SPRED1: variants seen among roughly 807,000 people sequenced by gnomAD.
SPRED1 encodes the protein sprouty-related, EVH1 domain-containing protein 1.
A neutral mutation model predicts 52.3 loss-of-function variants in SPRED1; 18 were observed. The observed-to-expected ratio is 0.34, with a 90% confidence interval of 0.24 to 0.51. The LOEUF (loss-of-function observed/expected upper bound fraction) is 0.51, where lower values mean the gene tolerates loss of function less well. Ranked by LOEUF, SPRED1 falls within the 20% of genes least tolerant of loss-of-function variation. SPRED1 has a pLI of 0.97. For missense variants in SPRED1, 485 were observed against 551.0 expected (o/e 0.88, Z 1.20); for synonymous variants, 155 against 179.7 (o/e 0.86, Z 1.10).
At chr15:38,260,760 G>T (rs1480339810) in intron 1 of SPRED1, among the ~76,000 whole-genome samples, 1 of 152,098 alleles carries the variant, frequency 6.6e-6, no homozygotes, top group Non-Finnish European at 1.5e-5. Context: ...TGAGAAAGGG[G>T]TCATAAGCTT....
chr15:38,331,278 AT>A (rs1231192906), intron 4 of SPRED1, among the ~76,000 whole-genome samples: 6 of 151,888 alleles, frequency 4.0e-5, no homozygotes, highest in South Asian at 2.1e-4. Context: ...TATAGATGTA[AT>A]TTTTTTTAAG....
intron 2 of SPRED1, among the ~76,000 whole-genome samples, chr15:38,304,082 C>A (rs183881440): frequency 3.9e-5 from 6 of 152,226 alleles, no homozygotes; most frequent in Non-Finnish European, 7.4e-5. Context: ...TTTCCAGTTA[C>A]TGTAGCCTAA....
intron 5 of SPRED1, among the ~76,000 whole-genome samples, chr15:38,348,771 T>C (rs1896193896): frequency 6.6e-6 from 1 of 152,090 alleles, no homozygotes; most frequent in South Asian, 2.1e-4. Context: ...TATTAGAATT[T>C]TTCACCATAA....
At chr15:38,272,271 G>A (rs568458799) in intron 1 of SPRED1, among the ~76,000 whole-genome samples, 1 of 28,428 alleles carries the variant, frequency 3.5e-5, no homozygotes, top group East Asian at 9.5e-4. Context: ...GGGGTCGAAT[G>A]CTAGGTTTTT....
intron 1 of SPRED1, among the ~76,000 whole-genome samples, chr15:38,262,520 CAGAA>C (rs1894226994): frequency 6.6e-6 from 1 of 151,968 alleles, no homozygotes; most frequent in Non-Finnish European, 1.5e-5. Context: ...AAGACAAGCA[CAGAA>C]AGAAGAAAAA....
intron 1 of SPRED1, among the ~76,000 whole-genome samples, chr15:38,253,843 T>C (rs559218986): frequency 1.5e-4 from 23 of 152,222 alleles, no homozygotes; most frequent in Non-Finnish European, 2.1e-4. Context: ...TTTGTGAATA[T>C]TGGACGTGTC....
chr15:38,263,521 G>A (rs541775472), intron 1 of SPRED1, among the ~76,000 whole-genome samples: 2 of 152,324 alleles, frequency 1.3e-5, no homozygotes, highest in South Asian at 4.1e-4. Context: ...CCAAAAGACG[G>A]AAGTGGCTTA....
chr15:38,321,839 C>G lies in SPRED1; in HGVS notation c.208-402C>G, dbSNP rs565988957. ...CAAACTCCTGATTTCAAGTGATCCG[C>G]CCGCCTCGGCCTCCCAAAGTGCTGG... On this transcript the variant is annotated intron_variant, in intron 2 of 6. Coordinates refer to ENST00000299084, the MANE Select transcript of SPRED1 (RefSeq NM_152594.3). Among the ~76,000 whole-genome samples, 789 of 152,234 alleles carry G rather than the reference C, an allele frequency of 5.2e-3. 1 individual carries two copies. Among genetic ancestry groups the G allele is most frequent in the Admixed American group, 7.5e-3 (114 of 15,286 alleles).
chr15:38,304,724 T>C (rs1895215407), intron 2 of SPRED1, among the ~76,000 whole-genome samples: 1 of 152,314 alleles, frequency 6.6e-6, no homozygotes, highest in Middle Eastern at 3.4e-3. Context: ...CTGGATCTCG[T>C]TGTTACCCAG....
At chr15:38,330,292 C>T (rs1414137939) in intron 4 of SPRED1, among the ~76,000 whole-genome samples, 3 of 152,116 alleles carry the variant, frequency 2.0e-5, no homozygotes, top group East Asian at 1.9e-4. Context: ...TATATTATTT[C>T]ATCACAGATC....
intron 4 of SPRED1, among the ~76,000 whole-genome samples, chr15:38,336,572 C>T (rs746394371): frequency 6.6e-6 from 1 of 151,178 alleles, no homozygotes; most frequent in Non-Finnish European, 1.5e-5. Flanking sequence ...TATATATACA[C>T]ACACACACAC....
At chr15:38,273,822 C>T (rs935842679) in intron 1 of SPRED1, among the ~76,000 whole-genome samples, 20 of 152,158 alleles carry the variant, frequency 1.3e-4, no homozygotes, top group African/African-American at 4.3e-4. Context: ...GTGAAGAACA[C>T]GGTGGTGGTT....
chr15:38,287,242 A>G (rs541471543), intron 1 of SPRED1, among the ~76,000 whole-genome samples: 1 of 152,244 alleles, frequency 6.6e-6, no homozygotes, highest in African/African-American at 2.4e-5. Flanking sequence ...TCTTCTGTCT[A>G]TGTAGTTTTC....
chr15:38,293,099 C>CTTTTTTTTTTTTATTTT (rs1894958427), intron 1 of SPRED1, among the ~76,000 whole-genome samples: 1 of 90,724 alleles, frequency 1.1e-5, no homozygotes, highest in Non-Finnish European at 2.0e-5. Context: ...AAGATTACAA[C>CTTTTTTTTTTTTATTTT]TTTTTTTTTT....
chr15:38,260,504 G>A (rs1313042265), intron 1 of SPRED1, among the ~76,000 whole-genome samples: 4 of 150,952 alleles, frequency 2.6e-5, no homozygotes, highest in Admixed American at 2.6e-4. Context: ...AGAAACTACG[G>A]ATTTTTTTTT....
At chr15:38,338,207 A>T (rs1895960315) in intron 4 of SPRED1, among the ~76,000 whole-genome samples, 1 of 150,924 alleles carries the variant, frequency 6.6e-6, no homozygotes, top group East Asian at 1.9e-4. Flanking sequence ...ACAAGACTCC[A>T]TTTCAAAAGA....
At chr15:38,350,989 C>A in intron 6 of SPRED1, 25 bp from the exon 7 acceptor site, 1 of 1,605,050 alleles carries the variant, frequency 6.2e-7, no homozygotes, top group South Asian at 1.1e-5. Flanking sequence ...GCCCTCATTG[C>A]AGTTTTTATC....
At chr15:38,262,895 TGA>T (rs532373327) in intron 1 of SPRED1, among the ~76,000 whole-genome samples, 120 of 152,338 alleles carry the variant, frequency 7.9e-4, no homozygotes, top group African/African-American at 2.8e-3. Flanking sequence ...GGATACTTAA[TGA>T]GAGACACCAG....
At chr15:38,333,763 C>T (rs1895853422) in intron 4 of SPRED1, among the ~76,000 whole-genome samples, 2 of 151,966 alleles carry the variant, frequency 1.3e-5, no homozygotes, top group African/African-American at 4.8e-5. Flanking sequence ...TCTAGAGAAA[C>T]TTTTTGTCAT....
Sources: gnomAD v4.1 joint callset for allele counts (sites outside exome capture counted in the v4.1 genomes callset) on GRCh38, gnomAD v4.1.1 for gene constraint, MANE v1.5 for transcripts, NCBI Gene and HGNC (gene_info 2026-07-23, HGNC 2026-07-21) for gene names.